Variants in USP32 observed in about 807,000 individuals in gnomAD.
The protein encoded by USP32 is ubiquitin specific peptidase 32, also known as ubiquitin carboxyl-terminal hydrolase 32.
In USP32, 59 loss-of-function variants were observed where a neutral mutation model predicts 204.8. That is an observed-to-expected ratio of 0.29 (90% CI 0.23 to 0.36). USP32 has a LOEUF of 0.36. Among genes scored for constraint, USP32 ranks in the 10% least tolerant of loss-of-function variants. USP32 has a pLI of 1.00. For missense variants in USP32, 1,160 were observed against 1,946.4 expected (o/e 0.60, Z 7.60); for synonymous variants, 517 against 678.4 (o/e 0.76, Z 3.70).
chr17:60,369,157 G>A (rs978683143), intron 1 of USP32, among the ~76,000 whole-genome samples: 1 of 143,046 alleles, frequency 7.0e-6, no homozygotes, highest in Admixed American at 6.7e-5. Context: ...ACTACGCCCG[G>A]CTAATTTTTT....
intron 2 of USP32, among the ~76,000 whole-genome samples, chr17:60,325,476 G>A (rs1471899625): frequency 6.6e-6 from 1 of 151,904 alleles, no homozygotes; most frequent in African/African-American, 2.4e-5. Flanking sequence ...TATGTTGCAA[G>A]GAATATTTAC....
At chr17:60,368,841 CAAATA>C (rs906159836) in intron 1 of USP32, among the ~76,000 whole-genome samples, 1 of 151,870 alleles carries the variant, frequency 6.6e-6, no homozygotes, top group African/African-American at 2.4e-5. Context: ...CAAACCAAAA[CAAATA>C]AAAGTCTGGA....
chr17:60,203,396 C>CAAAAAAAAAA (rs554691150), intron 26 of USP32, among the ~76,000 whole-genome samples: 2 of 24,376 alleles, frequency 8.2e-5, no homozygotes, highest in African/African-American at 1.4e-4. Flanking sequence ...GCGAGACTGT[C>CAAAAAAAAAA]AAAAAAAAAA....
At chr17:60,196,748 C>A (rs1047193632) in intron 27 of USP32, among the ~76,000 whole-genome samples, 5 of 151,886 alleles carry the variant, frequency 3.3e-5, no homozygotes, top group Non-Finnish European at 7.4e-5. Flanking sequence ...TCGCTTGAAC[C>A]CAGGAGGTGG....
chr17:60,384,488 G>A (rs2146122629), intron 1 of USP32, among the ~76,000 whole-genome samples: 1 of 152,320 alleles, frequency 6.6e-6, no homozygotes, highest in East Asian at 1.9e-4. Flanking sequence ...TTATTCACAA[G>A]ATAGTGATGA....
At chr17:60,239,164 C>T (rs2085811794) in intron 11 of USP32, among the ~76,000 whole-genome samples, 1 of 152,168 alleles carries the variant, frequency 6.6e-6, no homozygotes, top group South Asian at 2.1e-4. Context: ...ATCCCACTCA[C>T]TTCTGGATTC....
chr17:60,200,011 T>C lies in USP32; in HGVS notation c.3250-1567A>G, dbSNP rs533757740. Among the ~76,000 whole-genome samples, 28 of 151,906 alleles carry C rather than the reference T, an allele frequency of 1.8e-4. No homozygotes were observed. In the East Asian group the frequency reaches 5.1e-3, roughly 28 times the overall value. ...GAGTTCGAGACCAGCCTGGCCAATA[T>C]GGTGAAACCCTGTCTCTACTAAAAA... is the stretch of plus-strand genomic sequence containing the variant. On this transcript the variant is annotated intron_variant, in intron 26 of 33. Transcript: ENST00000300896.
intron 1 of USP32, among the ~76,000 whole-genome samples, chr17:60,353,201 C>G (rs944510497): frequency 2.6e-5 from 4 of 152,068 alleles, no homozygotes; most frequent in Non-Finnish European, 2.9e-5. Context: ...CCAAAGGGCT[C>G]AAGCGCAACA....
chr17:60,339,556 C>T (rs1486752783), intron 2 of USP32, among the ~76,000 whole-genome samples: 1 of 145,200 alleles, frequency 6.9e-6, no homozygotes, highest in East Asian at 2.0e-4. Context: ...GCACTCCACC[C>T]TGGGCAACAA....
chr17:60,317,980 G>A (rs1277086512), intron 2 of USP32, among the ~76,000 whole-genome samples: 7 of 152,176 alleles, frequency 4.6e-5, no homozygotes, highest in South Asian at 2.1e-4. Context: ...GCCAGACTCC[G>A]TCTCAAGAAA....
intron 4 of USP32, among the ~76,000 whole-genome samples, chr17:60,291,978 G>A (rs73318852): frequency 0.045 from 6,735 of 150,834 alleles, 542 homozygotes; most frequent in African/African-American, 0.16. Flanking sequence ...ATTTCATCTA[G>A]TATCCTACAC....
At chr17:60,223,616 T>C (rs757175165) in intron 13 of USP32, 30 bp from the exon 14 acceptor site, 1 of 1,562,794 alleles carries the variant, frequency 6.4e-7, no homozygotes, top group Non-Finnish European at 8.6e-7. Context: ...TAGAATCTCT[T>C]ATTTTTAGTT....
intron 11 of USP32, among the ~76,000 whole-genome samples, chr17:60,242,279 C>T (rs1173312512): frequency 6.6e-6 from 1 of 152,134 alleles, no homozygotes; most frequent in East Asian, 1.9e-4. Context: ...CCAGCTACAC[C>T]ACTGTGCTCA....
chr17:60,249,801 G>A, intron 11 of USP32: 1 of 698,760 alleles, frequency 1.4e-6, no homozygotes, highest in South Asian at 1.5e-5. Flanking sequence ...AGTGCTTTTG[G>A]GGAAAGGGTT....
intron 2 of USP32, among the ~76,000 whole-genome samples, chr17:60,314,816 T>A: frequency 6.6e-6 from 1 of 150,610 alleles, no homozygotes; most frequent in African/African-American, 2.5e-5. Context: ...ATACAGAAAA[T>A]CTTGAAAGCA....
intron 2 of USP32, among the ~76,000 whole-genome samples, chr17:60,325,188 C>G (rs1257874859): frequency 6.6e-6 from 1 of 152,092 alleles, no homozygotes; most frequent in Non-Finnish European, 1.5e-5. Flanking sequence ...CTGAGGAGGG[C>G]AGATCACTTG....
At position 60,270,043 on chromosome 17, in the gene USP32, A is replaced by C. The variant is rs373302817; in HGVS notation, c.704-486T>G. Reference sequence around the variant, plus strand: ...AGCAAAGGAAGATACACTATGCAACATAAGAGAAAGAAATTCTCTACTACA... The same window carrying C: ...AGCAAAGGAAGATACACTATGCAACCTAAGAGAAAGAAATTCTCTACTACA... On this transcript the variant is annotated intron_variant, in intron 6 of 33. Coordinates refer to ENST00000300896, the MANE Select transcript of USP32 (RefSeq NM_032582.4). Among the ~76,000 whole-genome samples, 14 of 152,344 alleles carry C rather than the reference A, an allele frequency of 9.2e-5. No homozygotes were observed. The East Asian group carries it at 2.1e-3, about 23-fold the overall frequency.
At chr17:60,396,637 G>A (rs1362223986), upstream of USP32, among the ~76,000 whole-genome samples, 2 of 152,144 alleles carry the variant, frequency 1.3e-5, no homozygotes, top group Non-Finnish European at 2.9e-5. Flanking sequence ...TTGAGATAAA[G>A]AGTGCCTAAA....
intron 1 of USP32, among the ~76,000 whole-genome samples, chr17:60,382,065 T>C (rs974863500): frequency 6.6e-6 from 1 of 152,262 alleles, no homozygotes; most frequent in Non-Finnish European, 1.5e-5. Flanking sequence ...CAAGATTTAG[T>C]GTCTTGAAAT....
Sources: gnomAD v4.1 joint callset for allele counts (sites outside exome capture counted in the v4.1 genomes callset) on GRCh38, gnomAD v4.1.1 for gene constraint, MANE v1.5 for transcripts, NCBI Gene and HGNC (gene_info 2026-07-23, HGNC 2026-07-21) for gene names.